Variants in CLSTN2 observed in about 807,000 individuals in gnomAD.
CLSTN2 encodes the protein calsyntenin 2.
A neutral mutation model predicts 101.2 loss-of-function variants in CLSTN2; 48 were observed. The observed-to-expected ratio is 0.47, with a 90% CI of 0.38 to 0.60. CLSTN2 has a LOEUF of 0.60. CLSTN2 is among the 20% of genes least tolerant of loss of function. The pLI is 0.00. For synonymous variants in CLSTN2, 481 were observed against 463.6 expected (o/e 1.04, Z -0.48); for missense variants, 1,160 against 1,238.2 (o/e 0.94, Z 0.95).
chr3:140,164,588 T>G (rs1229036250), intron 1 of CLSTN2, among the ~76,000 whole-genome samples: 1 of 152,190 alleles, frequency 6.6e-6, no homozygotes, highest in Non-Finnish European at 1.5e-5. Context: ...TTAATTGCAA[T>G]ACCCCTTACA....
At chr3:140,313,028 CA>C (rs1442272457) in intron 2 of CLSTN2, among the ~76,000 whole-genome samples, 1 of 152,078 alleles carries the variant, frequency 6.6e-6, no homozygotes, top group African/African-American at 2.4e-5. Flanking sequence ...TCTGGTGGAG[CA>C]AAAGTTTAGG....
intron 2 of CLSTN2, among the ~76,000 whole-genome samples, chr3:140,346,438 C>A (rs548248423): frequency 6.6e-6 from 1 of 152,172 alleles, no homozygotes; most frequent in Admixed American, 6.5e-5. Flanking sequence ...TCCCTTTCAA[C>A]CCACTCCGTG....
At chr3:140,191,254 A>G (rs1390132397) in intron 2 of CLSTN2, among the ~76,000 whole-genome samples, 1 of 151,992 alleles carries the variant, frequency 6.6e-6, no homozygotes, top group Non-Finnish European at 1.5e-5. Flanking sequence ...ACATCCTTAG[A>G]CTAAATCCTA....
chr3:140,275,416 A>T (rs1366841378), intron 2 of CLSTN2, among the ~76,000 whole-genome samples: 1 of 151,978 alleles, frequency 6.6e-6, no homozygotes, highest in Non-Finnish European at 1.5e-5. Flanking sequence ...GAGTAGCTGA[A>T]ACTACAGGCA....
chr3:140,089,666 G>A lies in CLSTN2; in HGVS notation c.110-86285G>A, dbSNP rs938350441. Among the ~76,000 whole-genome samples, 7 of 151,510 alleles carry A rather than the reference G, an allele frequency of 4.6e-5. No individual in the cohort carries two copies. In the South Asian group the frequency reaches 1.2e-3, roughly 27 times the overall value. On this transcript the variant is annotated intron_variant, in intron 1 of 16. Transcript: ENST00000458420. Reference sequence around the variant, plus strand: ...TTGCTCCCATTGTCCAGGCTAGAGTGCAGTGGTGCAACCTTGGCTTACTGC... The same window carrying A: ...TTGCTCCCATTGTCCAGGCTAGAGTACAGTGGTGCAACCTTGGCTTACTGC...
intron 8 of CLSTN2, among the ~76,000 whole-genome samples, chr3:140,491,439 A>T (rs2107757620): frequency 6.6e-6 from 1 of 152,354 alleles, no homozygotes; most frequent in African/African-American, 2.4e-5. Context: ...ACTTTTAAAA[A>T]TTTTAGTAGT....
chr3:140,015,447 G>A (rs2007181048), intron 1 of CLSTN2, among the ~76,000 whole-genome samples: 3 of 152,230 alleles, frequency 2.0e-5, no homozygotes, highest in Admixed American at 2.0e-4. Context: ...GAGGGTCACA[G>A]GAGTAGGAGT....
chr3:140,209,428 C>T (rs952406294), intron 2 of CLSTN2, among the ~76,000 whole-genome samples: 2 of 152,202 alleles, frequency 1.3e-5, no homozygotes, highest in East Asian at 3.9e-4. Flanking sequence ...TAAAAAATTT[C>T]CATTTCATTG....
In CLSTN2 at chr3:140,337,486, G is replaced by A. The variant is rs192203029; in HGVS notation, c.233-66143G>A. On this transcript the variant is annotated intron_variant, in intron 2 of 16. Transcript: ENST00000458420. ...TGGAATAGGGCCCACCCCAATGACC[G>A]TATTTCTACTTAATCACCTGCAAAG... 1.6e-4 allele frequency among the ~76,000 whole-genome samples: 24 copies of A among 152,286 alleles called. No individual in the cohort carries two copies. The East Asian group carries it at 4.1e-3, about 26-fold the overall frequency.
intron 1 of CLSTN2, among the ~76,000 whole-genome samples, chr3:140,106,725 A>G (rs2009065152): frequency 6.6e-6 from 1 of 152,248 alleles, no homozygotes; most frequent in African/African-American, 2.4e-5. Flanking sequence ...TTTACAGAAG[A>G]AAGGCTGTCT....
chr3:140,182,101 C>T (rs2010416799), intron 2 of CLSTN2, among the ~76,000 whole-genome samples: 1 of 152,174 alleles, frequency 6.6e-6, no homozygotes, highest in Admixed American at 6.5e-5. Context: ...CACTCAAATA[C>T]TTGTTAATCT....
At chr3:140,172,883 C>G (rs557506464) in intron 1 of CLSTN2, among the ~76,000 whole-genome samples, 1 of 152,296 alleles carries the variant, frequency 6.6e-6, no homozygotes, top group East Asian at 1.9e-4. Context: ...CCCACTGGGT[C>G]TCTCCCACAA....
chr3:140,358,668 C>T (rs565119049), intron 2 of CLSTN2, among the ~76,000 whole-genome samples: 1 of 152,174 alleles, frequency 6.6e-6, no homozygotes, highest in African/African-American at 2.4e-5. Flanking sequence ...TCAATACTGG[C>T]AACTTATTAC....
intron 2 of CLSTN2, among the ~76,000 whole-genome samples, chr3:140,348,547 C>T (rs1165839774): frequency 1.3e-5 from 2 of 152,186 alleles, no homozygotes; most frequent in Non-Finnish European, 2.9e-5. Flanking sequence ...TAGTCACATA[C>T]ATCTCAACAT....
intron 2 of CLSTN2, among the ~76,000 whole-genome samples, chr3:140,302,855 G>A (rs920346322): frequency 1.3e-5 from 2 of 152,178 alleles, no homozygotes; most frequent in Non-Finnish European, 2.9e-5. Context: ...GCCCAGTGTG[G>A]AGTCAGGTGG....
chr3:140,175,898 G>T (rs1419347896), intron 1 of CLSTN2, 53 bp from the exon 2 acceptor site: 10 of 1,530,284 alleles, frequency 6.5e-6, no homozygotes, highest in African/African-American at 2.7e-5. Context: ...ACATTATTAT[G>T]GGTTTGTTAT....
At chr3:140,329,821 A>C (rs527461807) in intron 2 of CLSTN2, among the ~76,000 whole-genome samples, 3 of 152,336 alleles carry the variant, frequency 2.0e-5, no homozygotes, top group Admixed American at 6.5e-5. Flanking sequence ...TGGATGCTGA[A>C]TAATGCAGCT....
At chr3:140,050,482 A>C (rs1207141121) in intron 1 of CLSTN2, among the ~76,000 whole-genome samples, 1 of 152,208 alleles carries the variant, frequency 6.6e-6, no homozygotes, top group Non-Finnish European at 1.5e-5. Context: ...CCCCAGGCTG[A>C]AGGAGAAGTG....
intron 8 of CLSTN2, chr3:140,507,412 G>C (rs1011289490): frequency 1.3e-5 from 2 of 152,224 alleles, no homozygotes; most frequent in African/African-American, 4.8e-5. Context: ...ACTGTGCTAT[G>C]TATAGCCTTC....
Sources: allele counts gnomAD v4.1 joint callset (sites outside exome capture counted in the v4.1 genomes callset), GRCh38; gene constraint gnomAD v4.1.1; transcripts MANE v1.5; gene names NCBI Gene and HGNC (gene_info 2026-07-23, HGNC 2026-07-21).